LSAMP: variants seen among roughly 807,000 people sequenced by gnomAD.
The protein encoded by LSAMP is limbic system-associated membrane protein.
A neutral mutation model predicts 38.6 loss-of-function variants in LSAMP; 7 were observed. The ratio of observed to expected loss-of-function variants is 0.18; its 90% CI spans 0.10 to 0.34. The LOEUF (loss-of-function observed/expected upper bound fraction) is 0.34. LSAMP is among the 10% of genes least tolerant of loss of function. LSAMP has a pLI of 1.00. For missense variants in LSAMP, 313 were observed against 420.0 expected (o/e 0.75, Z 2.23); for synonymous variants, 154 against 166.8 (o/e 0.92, Z 0.59).
chr3:116,239,184 A>G (rs1242876524), intron 1 of LSAMP, among the ~76,000 whole-genome samples: 1 of 152,164 alleles, frequency 6.6e-6, no homozygotes, highest in Non-Finnish European at 1.5e-5. Context: ...TATGAAATGT[A>G]TAGAGTCTCA....
chr3:116,425,487 T>A (rs952566880), intron 1 of LSAMP, among the ~76,000 whole-genome samples: 9 of 152,206 alleles, frequency 5.9e-5, no homozygotes, highest in South Asian at 2.1e-4. Flanking sequence ...TAACAACTAG[T>A]TGTTTGACCA....
chr3:116,158,408 C>A (rs1709806598), intron 1 of LSAMP, among the ~76,000 whole-genome samples: 1 of 152,162 alleles, frequency 6.6e-6, no homozygotes, highest in Non-Finnish European at 1.5e-5. Flanking sequence ...GTCAAAGTAT[C>A]TCTGTTTGCA....
At chr3:115,923,678 T>C (rs1425092324) in intron 3 of LSAMP, among the ~76,000 whole-genome samples, 1 of 152,204 alleles carries the variant, frequency 6.6e-6, no homozygotes, top group Non-Finnish European at 1.5e-5. Context: ...TGTATATCAT[T>C]CCTGAATACA....
At chr3:115,938,507 A>G (rs556503240) in intron 3 of LSAMP, among the ~76,000 whole-genome samples, 24 of 152,308 alleles carry the variant, frequency 1.6e-4, no homozygotes, top group African/African-American at 4.1e-4. Context: ...TTTTGAATAA[A>G]TTGTAAACTA....
chr3:115,864,492 T>A (rs1935802257), intron 3 of LSAMP, among the ~76,000 whole-genome samples: 1 of 152,188 alleles, frequency 6.6e-6, no homozygotes, highest in Admixed American at 6.5e-5. Flanking sequence ...TCCCTTTGGA[T>A]CTGCGTATTC....
At chr3:115,814,932 A>C (rs1474184359) in intron 6 of LSAMP, among the ~76,000 whole-genome samples, 2 of 152,186 alleles carry the variant, frequency 1.3e-5, no homozygotes. Context: ...GGGAAGATGC[A>C]TTTAGAAGGA....
intron 1 of LSAMP, among the ~76,000 whole-genome samples, chr3:116,288,303 A>G (rs530583384): frequency 1.3e-5 from 2 of 152,248 alleles, no homozygotes; most frequent in East Asian, 3.9e-4. Flanking sequence ...TTCCTCTCTG[A>G]ATGGATTCTC....
At chr3:116,003,953 T>C (rs1364235674) in intron 3 of LSAMP, among the ~76,000 whole-genome samples, 2 of 152,226 alleles carry the variant, frequency 1.3e-5, no homozygotes, top group African/African-American at 4.8e-5. Context: ...TTATTTGTTG[T>C]GGCAGCCCTA....
intron 1 of LSAMP, among the ~76,000 whole-genome samples, chr3:116,433,459 C>CTTGTACA (rs2049308084): frequency 6.6e-6 from 1 of 152,180 alleles, no homozygotes; most frequent in African/African-American, 2.4e-5. Context: ...AAATAATACC[C>CTTGTACA]TTGTACATTA....
intron 1 of LSAMP, among the ~76,000 whole-genome samples, chr3:116,169,574 A>G (rs1285576134): frequency 6.6e-6 from 1 of 152,190 alleles, no homozygotes; most frequent in East Asian, 1.9e-4. Context: ...CAGAAGGTCC[A>G]AAGCCCAGCA....
intron 1 of LSAMP, among the ~76,000 whole-genome samples, chr3:116,333,795 A>C (rs1017893122): frequency 4.6e-5 from 7 of 151,962 alleles, no homozygotes; most frequent in Admixed American, 2.0e-4. Flanking sequence ...ACGAACACTT[A>C]AATTTAAAAA....
At chr3:116,140,323 C>T (rs544648062) in intron 1 of LSAMP, among the ~76,000 whole-genome samples, 1 of 151,328 alleles carries the variant, frequency 6.6e-6, no homozygotes, top group East Asian at 1.9e-4. Flanking sequence ...CTAGAGACAC[C>T]AGACTTGTTT....
intron 3 of LSAMP, among the ~76,000 whole-genome samples, chr3:115,921,148 A>G (rs1245023265): frequency 6.6e-6 from 1 of 152,046 alleles, no homozygotes; most frequent in African/African-American, 2.4e-5. Flanking sequence ...TTTTCTATCC[A>G]TTCAGTCATT....
chr3:115,884,132 T>C (rs2107439579), intron 3 of LSAMP, among the ~76,000 whole-genome samples: 1 of 152,156 alleles, frequency 6.6e-6, no homozygotes, highest in South Asian at 2.1e-4. Context: ...GTGATTGAAT[T>C]TGATTTTTGC....
Position 116,079,396 on chromosome 3 carries a change from C to T in LSAMP, c.388+6928G>A, listed in dbSNP as rs184050241. On this transcript the variant is annotated intron_variant, in intron 2 of 6. Transcript: ENST00000490035. ...GAAGCTGGCTAAGTGCGGTGGCTTA[C>T]GCCTGTAATCCCAGCACAATGGGAG... is the stretch of plus-strand genomic sequence containing the variant. Among the ~76,000 whole-genome samples, 1,097 of 152,268 alleles carry T rather than the reference C, an allele frequency of 7.2e-3. 51 individuals carry two copies. Among genetic ancestry groups the T allele is most frequent in the Admixed American group, 0.066 (1,008 of 15,292 alleles).
intron 1 of LSAMP, among the ~76,000 whole-genome samples, chr3:116,117,895 A>C (rs1230158157): frequency 6.6e-6 from 1 of 152,068 alleles, no homozygotes; most frequent in Non-Finnish European, 1.5e-5. Context: ...TCCACTGTGA[A>C]GTTACGATTG....
chr3:115,864,462 A>G (rs1416592824), intron 3 of LSAMP, among the ~76,000 whole-genome samples: 13 of 152,210 alleles, frequency 8.5e-5, no homozygotes, highest in Admixed American at 8.5e-4. Context: ...TTCCCTAGAA[A>G]TCTCTGTGCT....
chr3:116,061,899 A>T (rs1941601203), intron 2 of LSAMP, among the ~76,000 whole-genome samples: 1 of 152,174 alleles, frequency 6.6e-6, no homozygotes, highest in Non-Finnish European at 1.5e-5. Context: ...CAAGGATATT[A>T]TTGCTATTTC....
intron 1 of LSAMP, among the ~76,000 whole-genome samples, chr3:116,211,873 A>G (rs181436668): frequency 7.2e-5 from 11 of 152,362 alleles, no homozygotes; most frequent in Admixed American, 5.2e-4. Flanking sequence ...ATAAAAACAA[A>G]ACATGAGGGA....
Sources: gnomAD v4.1 joint callset for allele counts (sites outside exome capture counted in the v4.1 genomes callset) on GRCh38, gnomAD v4.1.1 for gene constraint, MANE v1.5 for transcripts, NCBI Gene and HGNC (gene_info 2026-07-23, HGNC 2026-07-21) for gene names.